DNAH14: variants seen among roughly 807,000 people sequenced by gnomAD.
The protein encoded by DNAH14 is dynein axonemal heavy chain 14, also known as axonemal beta dynein heavy chain 14.
Under a neutral mutation model 520.9 loss-of-function variants are expected in DNAH14, and 478 were observed. The observed-to-expected ratio is 0.92, with a 90% confidence interval of 0.85 to 0.99. The LOEUF (loss-of-function observed/expected upper bound fraction) is 0.99. Ranked by LOEUF, DNAH14 falls within the 50% of genes least tolerant of loss-of-function variation. The pLI, the probability that DNAH14 is intolerant of heterozygous loss-of-function variation, is 0.00. For synonymous variants in DNAH14, 1,581 were observed against 1,757.2 expected (o/e 0.90, Z 2.51); for missense variants, 4,831 against 5,234.5 (o/e 0.92, Z 2.38).
At chr1:225,278,114 T>C (rs147627211) in intron 54 of DNAH14, among the ~76,000 whole-genome samples, 11 of 139,342 alleles carry the variant, frequency 7.9e-5, no homozygotes, top group Non-Finnish European at 1.5e-4. Context: ...TATTTAAACT[T>C]GTGTTTAAAT....
intron 55 of DNAH14, among the ~76,000 whole-genome samples, chr1:225,290,901 T>G (rs566784985): frequency 6.6e-6 from 1 of 151,712 alleles, no homozygotes; most frequent in East Asian, 1.9e-4. Context: ...TTCTAGCCAT[T>G]TGACACTATA....
intron 27 of DNAH14, among the ~76,000 whole-genome samples, chr1:225,131,832 G>A (rs997578796): frequency 2.6e-5 from 4 of 152,092 alleles, no homozygotes; most frequent in Non-Finnish European, 5.9e-5. Context: ...GGAGCCAGGG[G>A]AGTGATAAAA....
intron 72 of DNAH14, 53 bp downstream of exon 72, chr1:225,351,936 G>A: frequency 5.8e-6 from 8 of 1,384,436 alleles, no homozygotes; most frequent in African/African-American, 1.5e-5. Flanking sequence ...GTATGTGTAT[G>A]GATTTTCAAT....
chr1:225,282,673 A>G (rs545172404), intron 54 of DNAH14, among the ~76,000 whole-genome samples: 2 of 152,362 alleles, frequency 1.3e-5, no homozygotes, highest in South Asian at 2.1e-4. Flanking sequence ...TGTGCCTCAG[A>G]AAGATGAGAG....
intron 44 of DNAH14, 121 bp from the exon 45 acceptor site, chr1:225,257,839 A>G (rs2092793880): frequency 1.2e-6 from 1 of 853,304 alleles, no homozygotes; most frequent in Non-Finnish European, 1.7e-6. Context: ...CCAGCCAGCC[A>G]TGTACTTTTC....
In DNAH14 at chr1:224,967,498, A is replaced by G. The variant is rs763000820; in HGVS notation, c.566A>G (p.Asn189Ser). Residue 189 changes from asparagine to serine, a missense_variant, in exon 6 of 86, where the codon AAT becomes AGT. Transcript: ENST00000682510. The stretch of plus-strand genomic sequence containing the variant: ...CGGAAAAGTCCTAAATCCCTTTACA[A>G]TCCATATGATCTTCAGGTAGTATCG... ...LPRKSPKSLYNPYDLQVVSAH... is the reference protein window; with the variant it reads ...LPRKSPKSLYSPYDLQVVSAH... The G allele has an allele frequency of 2.2e-5, 35 of 1,602,526 alleles. No homozygotes were observed. Among genetic ancestry groups the G allele is most frequent in the Non-Finnish European group, 2.7e-5 (32 of 1,175,398 alleles).
Position 225,331,295 on chromosome 1 carries a change from T to C in DNAH14, c.9724-142T>C, listed in dbSNP as rs960026426. The C allele has an allele frequency of 1.2e-4, 90 of 724,290 alleles. 1 individual carries two copies. The highest frequency in any genetic ancestry group is 1.5e-5 in the Non-Finnish European group (7 of 464,484). The allele number at this position is 724,290 out of a possible 1,614,324, so 44.9% of individuals were successfully genotyped here. On this transcript the variant is annotated intron_variant, in intron 64 of 85. Transcript: ENST00000682510. ...TTCATTTCTACAATGTCCATTTTCA[T>C]TGGTAATATAATCCCTCCAGAAAGA...
rs2072991011 is a variant in DNAH14 at position 225,080,445 on chromosome 1, C to G, written c.2833C>G (p.Leu945Val). ...AACAGCAATGGAAATGATCCAGACT[C>G]TCTCAGGGGAAGCTGCAAGTTTAAC... ...VSTAMEMIQTLSGEAASLTNK... is the reference protein window; with the variant it reads ...VSTAMEMIQTVSGEAASLTNK... Residue 945 changes from leucine to valine, a missense_variant, in exon 19 of 86, where the codon CTC becomes GTC. Physicochemically the swap from Leu to Val is conservative, Grantham distance 32 (BLOSUM62 1). Coordinates refer to ENST00000682510, the MANE Select transcript of DNAH14 (RefSeq NM_001367479.1). The G allele has an allele frequency of 6.4e-7, 1 of 1,551,350 alleles. No individual in the cohort carries two copies. Among genetic ancestry groups the G allele is most frequent in the African/African-American group, 1.4e-5 (1 of 72,926 alleles).
chr1:225,005,212 T>A (rs529744202), intron 9 of DNAH14, among the ~76,000 whole-genome samples: 1 of 152,278 alleles, frequency 6.6e-6, no homozygotes, highest in Admixed American at 6.5e-5. Context: ...AAGTTTGTTT[T>A]ATTGAGCAGT....
intron 54 of DNAH14, among the ~76,000 whole-genome samples, chr1:225,289,221 T>C (rs944683228): frequency 1.1e-4 from 16 of 152,198 alleles, no homozygotes; most frequent in Non-Finnish European, 2.4e-4. Context: ...TAATTTCATT[T>C]ATATGAAATG....
Position 225,389,809 on chromosome 1 carries a change from A to G in DNAH14, c.13266A>G (p.Ser4422=). The change falls in exon 83 of 86, where the codon TCA becomes TCG. Residue 4422 remains serine, a synonymous_variant. Transcript: ENST00000682510. ...TSQKCKHPED[S]ENNFFEGFPS... ...AAAAATGCAAACACCCTGAGGATTC[A>G]GAGAACAATTTCTTTGAAGGGTTTC... 1 of 1,552,030 alleles carries G rather than the reference A, an allele frequency of 6.4e-7. No individual in the cohort carries two copies. Among genetic ancestry groups the G allele is most frequent in the Non-Finnish European group, 8.7e-7 (1 of 1,147,048 alleles).
chr1:225,234,520 CT>C (rs1473706450), intron 42 of DNAH14, among the ~76,000 whole-genome samples: 3 of 152,124 alleles, frequency 2.0e-5, no homozygotes, highest in Admixed American at 2.0e-4. Flanking sequence ...ATTGGTTTGG[CT>C]ATTCAGGCTC....
chr1:225,202,579 G>A (rs1320608210), intron 38 of DNAH14, among the ~76,000 whole-genome samples: 1 of 152,128 alleles, frequency 6.6e-6, no homozygotes, highest in African/African-American at 2.4e-5. Flanking sequence ...CAGGCAGAGG[G>A]TGAGCAGGGC....
At chr1:225,370,223 A>G (rs1450514328) in intron 77 of DNAH14, among the ~76,000 whole-genome samples, 1 of 152,194 alleles carries the variant, frequency 6.6e-6, no homozygotes, top group Admixed American at 6.5e-5. Context: ...TGGAGGTTGC[A>G]GTGAGCTGAG....
Position 225,322,789 on chromosome 1 carries a change from T to G in DNAH14, c.9461T>G (p.Leu3154Trp). The G allele has an allele frequency of 1.9e-6, 3 of 1,551,786 alleles. No individual in the cohort carries two copies. In the East Asian group the frequency reaches 7.3e-5, roughly 38 times the overall value. Residue 3154 changes from leucine to tryptophan, a missense_variant, in exon 62 of 86, where the codon TTG becomes TGG. Coordinates refer to ENST00000682510, the MANE Select transcript of DNAH14 (RefSeq NM_001367479.1). ...TCAGAAACTGGTTTCCTGAAAAAATTGATTAACCTTGACAAGGACAGCATA... is the reference window on the plus strand; with the variant it reads ...TCAGAAACTGGTTTCCTGAAAAAATGGATTAACCTTGACAAGGACAGCATA... ...LLSETGFLKK[L>W]INLDKDSIPD... is the part of the protein sequence containing the mutation.
At chr1:225,012,122 A>G (rs2064824699) in intron 10 of DNAH14, among the ~76,000 whole-genome samples, 1 of 151,996 alleles carries the variant, frequency 6.6e-6, no homozygotes, top group African/African-American at 2.4e-5. Flanking sequence ...TGCTTCTTTC[A>G]GGAGCTCTTA....
intron 17 of DNAH14, among the ~76,000 whole-genome samples, chr1:225,067,337 A>C (rs1025517974): frequency 6.6e-6 from 1 of 152,080 alleles, no homozygotes; most frequent in African/African-American, 2.4e-5. Flanking sequence ...TAGTGTATAC[A>C]TACCATATTT....
At chr1:225,226,698 A>G (rs1396365016) in intron 41 of DNAH14, among the ~76,000 whole-genome samples, 1 of 152,172 alleles carries the variant, frequency 6.6e-6, no homozygotes, top group Non-Finnish European at 1.5e-5. Context: ...AGTATAGAGG[A>G]AGAAAAGTGG....
At chr1:225,024,162 A>G (rs2065921624) in intron 11 of DNAH14, 1 of 990,674 alleles carries the variant, frequency 1.0e-6, no homozygotes, top group African/African-American at 1.7e-5. Context: ...GATTTCTCTG[A>G]TAATTTAGCA....
Sources: gnomAD v4.1 joint callset for allele counts (sites outside exome capture counted in the v4.1 genomes callset) on GRCh38, gnomAD v4.1.1 for gene constraint, MANE v1.5 for transcripts, NCBI Gene and HGNC (gene_info 2026-07-23, HGNC 2026-07-21) for gene names.